MST1R: variants seen among roughly 807,000 people sequenced by gnomAD.
MST1R encodes the protein macrophage stimulating 1 receptor, also known as macrophage-stimulating protein receptor.
Under a neutral mutation model 117.8 loss-of-function variants are expected in MST1R, and 99 were observed. That is an observed-to-expected ratio of 0.84 (90% CI 0.71 to 0.99). The LOEUF (loss-of-function observed/expected upper bound fraction) is 0.99. Among genes scored for constraint, MST1R ranks in the 50% least tolerant of loss-of-function variants. MST1R has a pLI of 0.00. For missense variants in MST1R, 1,683 were observed against 1,840.2 expected, an observed-to-expected ratio of 0.91 and a Z score of 1.56; for synonymous variants, 734 against 765.3, an observed-to-expected ratio of 0.96 and a Z score of 0.68.
At position 49,897,330 on chromosome 3, in the gene MST1R, T is replaced by TACAG. The variant is rs1559476985; in HGVS notation, c.2129_2132dup (p.Gly712CysfsTer13). 3.7e-6 allele frequency: 6 copies of TACAG among 1,613,830 alleles called. No individual in the cohort carries two copies. Among genetic ancestry groups the TACAG allele is most frequent in the Non-Finnish European group, 5.1e-6 (6 of 1,179,920 alleles). On this transcript the variant is annotated frameshift_variant, in exon 7 of 20. Transcript: ENST00000296474. LOFTEE classifies it high-confidence loss of function. ...TGACCAGCACAGCCCGGCTGGTGCC[T>TACAG]ACAGACAGACTCTGGCCTTCAAGAG...
At position 49,891,614 on chromosome 3, in the gene MST1R, G is replaced by T. The variant is rs150562130; in HGVS notation, c.3353-34C>A. On this transcript the variant is annotated intron_variant, in intron 15 of 19. Coordinates refer to ENST00000296474, the MANE Select transcript of MST1R (RefSeq NM_002447.4). ...CAGCGCAAGTCAGGCACAGGGCAGG[G>T]CGTCCCTTTATAAGGCTCAGATGGG... is the stretch of plus-strand genomic sequence containing the variant. The T allele has an allele frequency of 7.2e-4, 1,168 of 1,612,446 alleles. 6 individuals are homozygous for T. In the Middle Eastern group the frequency reaches 0.013, roughly 17 times the overall value.
chr3:49,900,840 G>A (rs1301776324), intron 1 of MST1R, among the ~76,000 whole-genome samples: 1 of 152,236 alleles, frequency 6.6e-6, no homozygotes, highest in African/African-American at 2.4e-5. Context: ...AAACACGTAA[G>A]TGTCCAATGT....
Position 49,903,684 on chromosome 3 carries a change from G to C in MST1R, c.-75C>G. On this transcript the variant is annotated 5_prime_UTR_variant, in exon 1 of 20. Coordinates refer to ENST00000296474, the MANE Select transcript of MST1R (RefSeq NM_002447.4). ...TGGGCGTGGGCCTGGCTGGGGGCCC[G>C]ACTCGAGGTCTGGACTGGGCCAAAT... 1.3e-6 allele frequency: 2 copies of C among 1,501,776 alleles called. No individual in the cohort carries two copies. The highest frequency in any genetic ancestry group is 1.8e-6 in the Non-Finnish European group (2 of 1,133,660). 93.0% of individuals were successfully genotyped at this position (1,501,776 alleles called of 1,614,324 possible). A position where few individuals can be genotyped will look rare whatever the true frequency, so the allele number is the denominator to read the frequency against.
intron 19 of MST1R, 99 bp from the exon 20 acceptor site, chr3:49,887,661 G>A (rs1011203742): frequency 2.8e-5 from 38 of 1,372,730 alleles, no homozygotes; most frequent in Middle Eastern, 1.8e-4. Flanking sequence ...ACAGGGATGA[G>A]GATAGATGAC....
intron 18 of MST1R, 152 bp downstream of exon 18, chr3:49,890,333 A>G: frequency 1.1e-6 from 1 of 920,166 alleles, no homozygotes. Flanking sequence ...GTCAGATTCC[A>G]TCTTACATCT....
Position 49,891,110 on chromosome 3 carries a change from A to G in MST1R, c.3644+87T>C, listed in dbSNP as rs182706375. The G allele has an allele frequency of 9.2e-5, 106 of 1,147,424 alleles. No individual in the cohort carries two copies. The East Asian group carries it at 1.7e-3, about 18-fold the overall frequency. The allele number at this position is 1,147,424 out of a possible 1,614,324, so 71.1% of individuals were successfully genotyped here. A position where few individuals can be genotyped will look rare whatever the true frequency, so the allele number is the denominator to read the frequency against. ...TGCAGAGAGGGGAGGACAAGGCTGG[A>G]GTGGGCCCTTCCCTGAGGCGGCCTT... is the stretch of plus-strand genomic sequence containing the variant. On this transcript the variant is annotated intron_variant, in intron 17 of 19. Coordinates refer to ENST00000296474, the MANE Select transcript of MST1R (RefSeq NM_002447.4).
chr3:49,890,447 C>G, intron 18 of MST1R, 38 bp downstream of exon 18: 1 of 1,583,556 alleles, frequency 6.3e-7, no homozygotes. Flanking sequence ...TTCTTGGGTG[C>G]CAAAGCCATG....
chr3:49,889,301 T>C (rs1376676196), intron 19 of MST1R, among the ~76,000 whole-genome samples: 1 of 152,186 alleles, frequency 6.6e-6, no homozygotes, highest in Non-Finnish European at 1.5e-5. Context: ...CCAAGGCAGG[T>C]AGGACTGTGA....
Position 49,897,330 on chromosome 3 carries a change from TACAG to T in MST1R, c.2129_2132del (p.Ser710Ter), listed in dbSNP as rs1559476985. ...TGACCAGCACAGCCCGGCTGGTGCCTACAGACAGACTCTGGCCTTCAAGAGTGAG... is the reference window on the plus strand; with the variant it reads ...TGACCAGCACAGCCCGGCTGGTGCCTACAGACTCTGGCCTTCAAGAGTGAG... On this transcript the variant is annotated frameshift_variant, in exon 7 of 20. Transcript: ENST00000296474. LOFTEE classifies it high-confidence loss of function. 2 of 1,613,830 alleles carry T rather than the reference TACAG, an allele frequency of 1.2e-6. No individual in the cohort carries two copies. Among genetic ancestry groups the T allele is most frequent in the Admixed American group, 1.7e-5 (1 of 59,992 alleles).
rs2082316930 is a variant in MST1R at position 49,891,566 on chromosome 3, G to A, written c.3367C>T (p.Gln1123Ter). Residue 1123 changes from glutamine (Q) to a stop codon, truncating the protein, a stop_gained, in exon 16 of 20, where the codon CAG (glutamine) becomes TAG (stop). Coordinates refer to ENST00000296474, the MANE Select transcript of MST1R (RefSeq NM_002447.4). LOFTEE classifies it high-confidence loss of function. ...TCTCGCAGGAAGGCCTCCACCTGCTGCATCTCTGTGATGCCTGCAGAGCAG... is the reference window on the plus strand; with the variant it reads ...TCTCGCAGGAAGGCCTCCACCTGCTACATCTCTGTGATGCCTGCAGAGCAG... ...IKSLSRITEM[Q>*]QVEAFLREGL... 1.9e-6 allele frequency: 3 copies of A among 1,613,734 alleles called. No individual in the cohort carries two copies. The highest frequency in any genetic ancestry group is 2.5e-6 in the Non-Finnish European group (3 of 1,180,034).
chr3:49,894,197 A>G (rs1241531955), intron 14 of MST1R, among the ~76,000 whole-genome samples: 1 of 151,228 alleles, frequency 6.6e-6, no homozygotes, highest in Non-Finnish European at 1.5e-5. Flanking sequence ...CCTGGGCAAC[A>G]AGAGTGAAAT....
rs1188402408 is a variant in MST1R at position 49,898,227 on chromosome 3, C to T, written c.1720-16G>A. The T allele has an allele frequency of 6.2e-7, 1 of 1,613,102 alleles. No individual in the cohort carries two copies. The highest frequency in any genetic ancestry group is 8.5e-7 in the Non-Finnish European group (1 of 1,179,784). ...GGGGGTGGAACTGAAATGGGGGAAA[C>T]AGCCTGAGTCCTCATGTGGGGTTGG... is the stretch of plus-strand genomic sequence containing the variant. On this transcript the variant is annotated splice_polypyrimidine_tract_variant and intron_variant, in intron 4 of 19. Coordinates refer to ENST00000296474, the MANE Select transcript of MST1R (RefSeq NM_002447.4).
Position 49,903,426 on chromosome 3 carries a change from C to G in MST1R, c.184G>C (p.Glu62Gln). 1.2e-6 allele frequency: 2 copies of G among 1,613,882 alleles called. No homozygotes were observed. Among genetic ancestry groups the G allele is most frequent in the Non-Finnish European group, 1.7e-6 (2 of 1,180,010 alleles). Residue 62 changes from glutamate (E) to glutamine (Q), a missense_variant, in exon 1 of 20, where the codon GAG (glutamate) becomes CAG (glutamine). By Grantham distance (29) the Glu-to-Gln change is conservative (BLOSUM62 2). Coordinates refer to ENST00000296474, the MANE Select transcript of MST1R (RefSeq NM_002447.4). ...GGLVQAMVTYEGDRNESAVFV... is the reference protein window; with the variant it reads ...GGLVQAMVTYQGDRNESAVFV... ...ACAGCACTCTCATTTCTGTCGCCCT[C>G]GTAGGTCACCATGGCCTGTACCAGG...
At chr3:49,888,798 T>G (rs1166925938) in intron 19 of MST1R, among the ~76,000 whole-genome samples, 80 of 152,156 alleles carry the variant, frequency 5.3e-4, no homozygotes, top group Non-Finnish European at 2.9e-5. Context: ...TCTCGGAAGG[T>G]GGTACTGTTG....
chr3:49,898,092 T>C lies in MST1R; in HGVS notation c.1839A>G (p.Gln613=). The C allele has an allele frequency of 4.3e-6, 7 of 1,614,052 alleles. No individual in the cohort carries two copies. Among genetic ancestry groups the C allele is most frequent in the Non-Finnish European group, 5.1e-6 (6 of 1,180,006 alleles). ...CCTTGGGCAGTGGCCGGCAGGGACTTTGGCCCACAGTGACCTGATGGGTTC... is the reference window on the plus strand; with the variant it reads ...CCTTGGGCAGTGGCCGGCAGGGACTCTGGCCCACAGTGACCTGATGGGTTC... ...PEGTHQVTVG[Q]SPCRPLPKDS... Residue 613 remains glutamine, a synonymous_variant, in exon 5 of 20, where the codon CAA becomes CAG. Transcript: ENST00000296474.
At chr3:49,894,164 G>A (rs923305261) in intron 14 of MST1R, among the ~76,000 whole-genome samples, 5 of 151,288 alleles carry the variant, frequency 3.3e-5, no homozygotes, top group South Asian at 2.1e-4. Flanking sequence ...GCAATGAGCC[G>A]AGATCGCGCC....
At chr3:49,899,743 T>A (rs571012657) in intron 1 of MST1R, among the ~76,000 whole-genome samples, 1 of 151,846 alleles carries the variant, frequency 6.6e-6, no homozygotes, top group South Asian at 2.1e-4. Flanking sequence ...GGCTAATTTT[T>A]TGTATTTTTA....
In MST1R at chr3:49,889,904, T is replaced by C; in HGVS notation, c.3947+20A>G. 6.2e-7 allele frequency: 1 copy of C among 1,613,936 alleles called. No homozygotes were observed. The highest frequency in any genetic ancestry group is 8.5e-7 in the Non-Finnish European group (1 of 1,179,928). ...CTCTGGGGCCCAGTTCCCTCCCCAC[T>C]ACCACCTCCACATACTCACAGAGAA... On this transcript the variant is annotated intron_variant, in intron 19 of 19. Coordinates refer to ENST00000296474, the MANE Select transcript of MST1R (RefSeq NM_002447.4).
chr3:49,901,058 G>A (rs944342125), intron 1 of MST1R, among the ~76,000 whole-genome samples: 4 of 152,182 alleles, frequency 2.6e-5, no homozygotes, highest in African/African-American at 7.2e-5. Flanking sequence ...CGTGCTGGGT[G>A]TCTTCTGACC....
Sources: gnomAD v4.1 joint callset for allele counts (sites outside exome capture counted in the v4.1 genomes callset) on GRCh38, gnomAD v4.1.1 for gene constraint, MANE v1.5 for transcripts, NCBI Gene and HGNC (gene_info 2026-07-23, HGNC 2026-07-21) for gene names.